MYO18B: variants seen among roughly 807,000 people sequenced by gnomAD.
The protein encoded by MYO18B is myosin XVIIIB.
MYO18B carries 204 observed loss-of-function variants against 273.0 expected under a neutral mutation model. That is an observed-to-expected ratio of 0.75 (90% CI 0.67 to 0.84). MYO18B has a LOEUF of 0.84. Ranked by LOEUF, MYO18B falls within the 40% of genes least tolerant of loss-of-function variation. The probability of loss-of-function intolerance (pLI) is 0.00; values close to 1 mark genes in which losing one functional copy is unlikely to be tolerated. For synonymous variants in MYO18B, 1,330 were observed against 1,305.7 expected (o/e 1.02, Z -0.40); for missense variants, 3,212 against 3,287.6 (o/e 0.98, Z 0.56).
chr22:25,938,137 C>G (rs2092603033), intron 34 of MYO18B, among the ~76,000 whole-genome samples: 1 of 152,084 alleles, frequency 6.6e-6, no homozygotes, highest in African/African-American at 2.4e-5. Context: ...CAACCAGACC[C>G]AGAAATCCAG....
At chr22:25,888,103 G>A (rs550954266) in intron 25 of MYO18B, among the ~76,000 whole-genome samples, 4 of 152,188 alleles carry the variant, frequency 2.6e-5, no homozygotes, top group Non-Finnish European at 4.4e-5. Context: ...TCAAATCCAA[G>A]TGTGAGGCCA....
At chr22:25,749,763 T>C (rs1041113851) in intron 1 of MYO18B, among the ~76,000 whole-genome samples, 6 of 152,060 alleles carry the variant, frequency 3.9e-5, no homozygotes, top group Non-Finnish European at 7.4e-5. Flanking sequence ...AGCTGTAAAG[T>C]CAGGGCTATA....
At chr22:25,934,429 G>C (rs1486644896) in intron 34 of MYO18B, among the ~76,000 whole-genome samples, 1 of 152,146 alleles carries the variant, frequency 6.6e-6, no homozygotes, top group Non-Finnish European at 1.5e-5. Context: ...ATGATGGAAA[G>C]TCTACCTCCA....
At chr22:25,824,319 A>T (rs2089405984) in intron 13 of MYO18B, among the ~76,000 whole-genome samples, 1 of 152,096 alleles carries the variant, frequency 6.6e-6, no homozygotes, top group Admixed American at 6.5e-5. Context: ...GGCGAGGTGG[A>T]CAGATTCAGG....
rs766930773 is a variant in MYO18B at position 25,908,325 on chromosome 22, C to T, written c.5152C>T (p.Arg1718Cys). 21 of 1,577,842 alleles carry T rather than the reference C, an allele frequency of 1.3e-5. No individual in the cohort carries two copies. Among genetic ancestry groups the T allele is most frequent in the South Asian group, 7.0e-5 (6 of 85,578 alleles). Residue 1718 changes from arginine (R) to cysteine (C), a missense_variant, in exon 32 of 44, where the codon CGC becomes TGC. Coordinates refer to ENST00000335473, the MANE Select transcript of MYO18B (RefSeq NM_032608.7). ...GCTGTCCTTGCTGCCCCCGCAGCTCCGCCAGCGGTTTGAGCTGGAGATCGA... is the reference window on the plus strand; with the variant it reads ...GCTGTCCTTGCTGCCCCCGCAGCTCTGCCAGCGGTTTGAGCTGGAGATCGA... The part of the protein sequence containing the change: ...ENTIKQLEQL[R>C]QRFELEIERM...
At chr22:25,832,833 C>T (rs1432378383) in intron 15 of MYO18B, 84 bp from the exon 16 acceptor site, 34 of 1,238,522 alleles carry the variant, frequency 2.7e-5, no homozygotes, top group Non-Finnish European at 3.8e-5. Flanking sequence ...GATGGAAATC[C>T]TCTCCGCTTT....
intron 1 of MYO18B, among the ~76,000 whole-genome samples, chr22:25,758,106 C>T (rs561757401): frequency 4.6e-5 from 7 of 152,282 alleles, no homozygotes; most frequent in African/African-American, 1.4e-4. Context: ...CTCCGCCTCC[C>T]GGATTCAAGC....
At chr22:25,996,124 A>G (rs373872779) in intron 40 of MYO18B, among the ~76,000 whole-genome samples, 7 of 152,214 alleles carry the variant, frequency 4.6e-5, no homozygotes, top group African/African-American at 1.4e-4. Flanking sequence ...TTAGAGATCT[A>G]ATGGTTAATT....
At chr22:25,744,948 GC>G (rs2085733486) in intron 1 of MYO18B, among the ~76,000 whole-genome samples, 1 of 152,010 alleles carries the variant, frequency 6.6e-6, no homozygotes, top group Non-Finnish European at 1.5e-5. Context: ...GCCAAGATCA[GC>G]CCCTGCTGTC....
At position 25,890,879 on chromosome 22, in the gene MYO18B, A is replaced by T; in HGVS notation, c.4434+4A>T. The T allele has an allele frequency of 6.2e-7, 1 of 1,612,892 alleles. No homozygotes were observed. Among genetic ancestry groups the T allele is most frequent in the Non-Finnish European group, 8.5e-7 (1 of 1,179,536 alleles). ...CCGGGAGGTCCAGGAGCTCAAGGTGAGTGGTCAGGGGTGGCCAGGGGTGGC... is the reference window on the plus strand; with the variant it reads ...CCGGGAGGTCCAGGAGCTCAAGGTGTGTGGTCAGGGGTGGCCAGGGGTGGC... On this transcript the variant is annotated splice_donor_region_variant and intron_variant, in intron 26 of 43. Transcript: ENST00000335473.
chr22:25,956,056 GTGGAGATATCAACT>G (rs2092847725), intron 39 of MYO18B, among the ~76,000 whole-genome samples: 2 of 152,172 alleles, frequency 1.3e-5, no homozygotes, highest in Non-Finnish European at 2.9e-5. Flanking sequence ...AAACTGACAC[GTGGAGATATCAACT>G]TGCCAAATTG....
chr22:25,750,207 A>G (rs2085893665), intron 1 of MYO18B, among the ~76,000 whole-genome samples: 1 of 152,152 alleles, frequency 6.6e-6, no homozygotes, highest in African/African-American at 2.4e-5. Flanking sequence ...GAGAGAGTGG[A>G]GAGAACAGCC....
intron 7 of MYO18B, among the ~76,000 whole-genome samples, chr22:25,775,622 C>T (rs1401223511): frequency 6.6e-6 from 1 of 152,176 alleles, no homozygotes; most frequent in Non-Finnish European, 1.5e-5. Flanking sequence ...ATTTCCCTCC[C>T]TCTTCCTGGA....
chr22:25,743,581 A>T (rs1314794993), intron 1 of MYO18B, among the ~76,000 whole-genome samples: 1 of 151,954 alleles, frequency 6.6e-6, no homozygotes, highest in South Asian at 2.1e-4. Flanking sequence ...AGGCCAAAAG[A>T]AAAGGCCAAG....
chr22:26,057,064 G>A, the MYO18B span, among the ~76,000 whole-genome samples: 23,550 of 151,976 alleles, frequency 0.15, 3,136 homozygotes, highest in African/African-American at 0.37. Context: ...GAGTGCAGAC[G>A]TTCAAAATAA....
chr22:25,822,116 G>A (rs768037584), intron 12 of MYO18B, among the ~76,000 whole-genome samples: 46 of 152,218 alleles, frequency 3.0e-4, no homozygotes, highest in East Asian at 5.8e-4. Context: ...CTTTAATCCC[G>A]TCTGGTTCCT....
chr22:26,060,817 T>C, the MYO18B span, among the ~76,000 whole-genome samples: 163 of 139,908 alleles, frequency 1.2e-3, 1 homozygote, highest in African/African-American at 3.8e-3. Context: ...CATAAACACA[T>C]GCATACATAT....
chr22:26,023,879 T>C (rs1452048637), intron 42 of MYO18B, among the ~76,000 whole-genome samples: 1 of 152,156 alleles, frequency 6.6e-6, no homozygotes. Flanking sequence ...CGAGGAGGGA[T>C]TCCAAAGCAA....
intron 20 of MYO18B, among the ~76,000 whole-genome samples, chr22:25,849,838 G>A (rs4822665): frequency 0.32 from 48,588 of 152,158 alleles, 8,564 homozygotes; most frequent in Admixed American, 0.4. Context: ...GTGGCAGGTT[G>A]TGGAAGAACA....
Sources: allele counts gnomAD v4.1 joint callset (sites outside exome capture counted in the v4.1 genomes callset), GRCh38; gene constraint gnomAD v4.1.1; transcripts MANE v1.5; gene names NCBI Gene and HGNC (gene_info 2026-07-23, HGNC 2026-07-21).